HIVEP1: variants seen among roughly 807,000 people sequenced by gnomAD.
The protein encoded by HIVEP1 is HIVEP zinc finger 1, also known as zinc finger protein 40.
HIVEP1 carries 36 observed loss-of-function variants against 180.0 expected under a neutral mutation model. That is an observed-to-expected ratio of 0.20 (90% CI 0.15 to 0.26). The LOEUF (loss-of-function observed/expected upper bound fraction) is 0.26. HIVEP1 is among the 10% of genes least tolerant of loss of function. The probability of loss-of-function intolerance (pLI) is 1.00; values close to 1 mark genes in which losing one functional copy is unlikely to be tolerated. For synonymous variants in HIVEP1, 1,239 were observed against 1,239.0 expected (o/e 1.00, Z 0.00); for missense variants, 3,143 against 3,268.7 (o/e 0.96, Z 0.94).
chr6:12,106,552 G>GA (rs762353386), intron 3 of HIVEP1, among the ~76,000 whole-genome samples: 1 of 152,064 alleles, frequency 6.6e-6, no homozygotes, highest in Admixed American at 6.5e-5. Flanking sequence ...ATGGCATAAG[G>GA]AAAAAGACTG....
intron 7 of HIVEP1, among the ~76,000 whole-genome samples, chr6:12,147,381 C>G (rs3777768): frequency 0.31 from 47,261 of 152,020 alleles, 7,689 homozygotes; most frequent in Middle Eastern, 0.47. Context: ...AAGTCTGAAC[C>G]GAAGTTGTTT....
At chr6:12,139,350 C>T (rs1403712723) in intron 7 of HIVEP1, among the ~76,000 whole-genome samples, 1 of 152,138 alleles carries the variant, frequency 6.6e-6, no homozygotes, top group Non-Finnish European at 1.5e-5. Context: ...TTAAGAATGC[C>T]CTCTAGGAGG....
At chr6:12,162,381 A>G (rs944201546) in intron 8 of HIVEP1, among the ~76,000 whole-genome samples, 1 of 152,198 alleles carries the variant, frequency 6.6e-6, no homozygotes, top group African/African-American at 2.4e-5. Flanking sequence ...CAAGACAGCT[A>G]CCAGTTTCTA....
At chr6:12,186,782 T>C in the HIVEP1 span, among the ~76,000 whole-genome samples, 9 of 151,832 alleles carry the variant, frequency 5.9e-5, no homozygotes, top group Admixed American at 6.6e-5. Context: ...AGAAAATAAG[T>C]TGAAATAAAC....
intron 2 of HIVEP1, among the ~76,000 whole-genome samples, chr6:12,037,000 C>G (rs1769317777): frequency 6.6e-6 from 1 of 152,050 alleles, no homozygotes; most frequent in African/African-American, 2.4e-5. Flanking sequence ...TTGGCCAGAT[C>G]ATTTGGGTGG....
At chr6:12,049,297 A>G (rs1044910836) in intron 2 of HIVEP1, among the ~76,000 whole-genome samples, 2 of 152,196 alleles carry the variant, frequency 1.3e-5, no homozygotes, top group Non-Finnish European at 2.9e-5. Flanking sequence ...CCTCGTGAGC[A>G]GCCTTCCTCT....
chr6:12,148,218 G>A (rs1281054545), intron 7 of HIVEP1, among the ~76,000 whole-genome samples: 1 of 152,220 alleles, frequency 6.6e-6, no homozygotes, highest in African/African-American at 2.4e-5. Context: ...CAGCCCAGCA[G>A]AACAAAGCTA....
intron 2 of HIVEP1, among the ~76,000 whole-genome samples, chr6:12,019,783 T>C (rs532101978): frequency 5.9e-5 from 9 of 152,340 alleles, no homozygotes; most frequent in African/African-American, 2.2e-4. Flanking sequence ...GTTCTCCTGC[T>C]GGGACAGATA....
intron 8 of HIVEP1, among the ~76,000 whole-genome samples, chr6:12,162,945 A>G (rs1760496267): frequency 6.6e-6 from 1 of 152,214 alleles, no homozygotes; most frequent in Non-Finnish European, 1.5e-5. Flanking sequence ...ATAATAACAA[A>G]AATAGCAGCT....
Position 12,122,911 on chromosome 6 carries a change from A to G in HIVEP1, c.3116A>G (p.Asp1039Gly), listed in dbSNP as rs1405549403. The change falls in exon 4 of 9, where the codon GAT becomes GGT. Residue 1039 changes from aspartate to glycine, a missense_variant. Physicochemically the swap from Asp to Gly is moderately conservative, Grantham distance 94. Around this residue, in one of 12 missense-constraint regions of HIVEP1, gnomAD observed 1,357 missense variants for 1,260.5 expected, o/e 1.08. Transcript: ENST00000379388. ...AGGAGGAAAATGAAAAGTGTTGGGG[A>G]TGATGAAGAACTTCAGCAAAATGAA... ...RKRRKMKSVGDDEELQQNESG... is the reference protein window; with the variant it reads ...RKRRKMKSVGGDEELQQNESG... 6.2e-7 allele frequency: 1 copy of G among 1,614,008 alleles called. No homozygotes were observed. Among genetic ancestry groups the G allele is most frequent in the Admixed American group, 1.7e-5 (1 of 59,972 alleles).
At position 12,129,800 on chromosome 6, in the gene HIVEP1, C is replaced by A; in HGVS notation, c.6117C>A (p.Ser2039Arg). The change falls in exon 5 of 9, where the codon AGC becomes AGA. Residue 2039 changes from serine (S) to arginine (R), a missense_variant. By Grantham distance (110) the Ser-to-Arg change is moderately radical (BLOSUM62 -1). This residue lies in a region of HIVEP1 where 1,357 missense variants were observed against 1,260.5 expected (regional missense o/e 1.08). Coordinates refer to ENST00000379388, the MANE Select transcript of HIVEP1 (RefSeq NM_002114.4). ...AAAAGTCCACAGTAGTTGAATTCAG[C>A]AATAAAGATGCCTCTGAAATTAACA... ...GNQKSTVVEFSNKDASEINSE... is the reference protein window; with the variant it reads ...GNQKSTVVEFRNKDASEINSE... 6.3e-7 allele frequency: 1 copy of A among 1,597,938 alleles called. No homozygotes were observed. The highest frequency in any genetic ancestry group is 8.6e-7 in the Non-Finnish European group (1 of 1,165,588).
rs531414951 is a variant in HIVEP1 at position 12,124,012 on chromosome 6, C to T, written c.4217C>T (p.Pro1406Leu). ...PQTTPLTELQ[P>L]PSSPSRVGVT... ...ACAACACCACTTACTGAATTGCAGC[C>T]TCCATCTTCACCTTCTCGAGTGGGA... Residue 1406 changes from proline (P) to leucine (L), a missense_variant, in exon 4 of 9, where the codon CCT becomes CTT. By Grantham distance (98) the Pro-to-Leu change is moderately conservative (BLOSUM62 -3). Transcript: ENST00000379388. 2.5e-6 allele frequency: 4 copies of T among 1,614,150 alleles called. No individual in the cohort carries two copies. In the South Asian group the frequency reaches 4.4e-5, roughly 18 times the overall value.
upstream of HIVEP1, among the ~76,000 whole-genome samples, chr6:12,011,142 T>A (rs1362508462): frequency 6.6e-6 from 1 of 152,194 alleles, no homozygotes; most frequent in Non-Finnish European, 1.5e-5. Context: ...CATGTCCCCT[T>A]CCACTCTCCA....
intron 7 of HIVEP1, among the ~76,000 whole-genome samples, chr6:12,145,533 A>G (rs949125816): frequency 1.3e-5 from 2 of 148,232 alleles, no homozygotes; most frequent in South Asian, 2.1e-4. Flanking sequence ...AAAAAAAAAA[A>G]GAACGCCCTC....
the HIVEP1 span, among the ~76,000 whole-genome samples, chr6:12,204,016 G>A: frequency 6.6e-6 from 1 of 152,088 alleles, no homozygotes; most frequent in East Asian, 1.9e-4. Context: ...GGCGGAGGTT[G>A]CAGTGAGCTG....
At chr6:12,186,879 A>G in the HIVEP1 span, among the ~76,000 whole-genome samples, 1 of 148,590 alleles carries the variant, frequency 6.7e-6, no homozygotes. Context: ...AAAGAAGAGC[A>G]TGAGCATTTT....
chr6:12,055,562 A>G (rs1028307505), intron 2 of HIVEP1, among the ~76,000 whole-genome samples: 2 of 152,216 alleles, frequency 1.3e-5, no homozygotes, highest in African/African-American at 4.8e-5. Flanking sequence ...AGTTGGCACA[A>G]ACCGGAGGAT....
intron 3 of HIVEP1, among the ~76,000 whole-genome samples, chr6:12,109,638 G>T (rs1774755331): frequency 6.6e-6 from 1 of 152,178 alleles, no homozygotes; most frequent in African/African-American, 2.4e-5. Context: ...CTTTAGTTCT[G>T]CTTCTCTTGC....
At chr6:12,192,147 C>T in the HIVEP1 span, among the ~76,000 whole-genome samples, 1 of 152,128 alleles carries the variant, frequency 6.6e-6, no homozygotes, top group Non-Finnish European at 1.5e-5. Context: ...GAATATGGTT[C>T]ATCCAAAAGA....
Sources: allele counts gnomAD v4.1 joint callset (sites outside exome capture counted in the v4.1 genomes callset), GRCh38; gene constraint gnomAD v4.1.1; regional missense constraint gnomAD v4.1.1; transcripts MANE v1.5; gene names NCBI Gene and HGNC (gene_info 2026-07-23, HGNC 2026-07-21).